Variants in TRIM13 observed in about 807,000 individuals in gnomAD.
The protein encoded by TRIM13 is E3 ubiquitin-protein ligase TRIM13.
A neutral mutation model predicts 27.1 loss-of-function variants in TRIM13; 15 were observed. The observed-to-expected ratio is 0.55, with a 90% CI of 0.37 to 0.85. TRIM13 has a LOEUF of 0.85. TRIM13 is among the 40% of genes least tolerant of loss of function. The pLI is 0.00. For missense variants in TRIM13, 402 were observed against 472.2 expected, an observed-to-expected ratio of 0.85 and a Z score of 1.38; for synonymous variants, 193 against 171.5, an observed-to-expected ratio of 1.13 and a Z score of -0.98.
chr13:50,016,134 G>A lies in TRIM13; in HGVS notation c.*2970G>A, dbSNP rs1876530114. The A allele has an allele frequency of 2.4e-6, 3 of 1,256,340 alleles. No individual in the cohort carries two copies. The East Asian group carries it at 7.1e-5, about 30-fold the overall frequency. 77.8% of individuals were successfully genotyped at this position (1,256,340 alleles called of 1,614,324 possible). A position where few individuals can be genotyped will look rare whatever the true frequency, so the allele number is the denominator to read the frequency against. ...TTTGTGATGTTTTCTCTAAAAACTTGAAGTTCCTCAGGCCTGTAACTTCTG... is the reference window on the plus strand; with the variant it reads ...TTTGTGATGTTTTCTCTAAAAACTTAAAGTTCCTCAGGCCTGTAACTTCTG... On this transcript the variant is annotated 3_prime_UTR_variant, in exon 2 of 2. Transcript: ENST00000378182.
At chr13:50,009,020 C>CAAA (rs35407149) in intron 1 of TRIM13, among the ~76,000 whole-genome samples, 179 of 67,316 alleles carry the variant, frequency 2.7e-3, no homozygotes, top group East Asian at 5.1e-3. Context: ...AAAGCTGTCT[C>CAAA]AAAAAAAAAA....
chr13:49,998,827 A>G (rs952683677), intron 1 of TRIM13, among the ~76,000 whole-genome samples: 2 of 151,178 alleles, frequency 1.3e-5, no homozygotes, highest in Non-Finnish European at 2.9e-5. Flanking sequence ...GCTACTCGGG[A>G]GGCTGAGGCA....
At chr13:50,006,046 TAAG>T (rs921242116) in intron 1 of TRIM13, among the ~76,000 whole-genome samples, 10 of 152,158 alleles carry the variant, frequency 6.6e-5, no homozygotes, top group Admixed American at 6.5e-4. Flanking sequence ...TGAATGAAAA[TAAG>T]AATCTTTAAA....
chr13:50,008,252 TTATTGTTGATAATGTGA>T (rs1412147524), intron 1 of TRIM13, among the ~76,000 whole-genome samples: 1 of 152,184 alleles, frequency 6.6e-6, no homozygotes, highest in Admixed American at 6.5e-5. Flanking sequence ...AAGTCATATG[TTATTGTTGATAATGTGA>T]TATTGTTGAT....
At chr13:50,000,015 G>C (rs1873826394) in intron 1 of TRIM13, among the ~76,000 whole-genome samples, 1 of 152,112 alleles carries the variant, frequency 6.6e-6, no homozygotes, top group South Asian at 2.1e-4. Context: ...GTGTTTAGAT[G>C]ATTTCTAAGA....
At chr13:49,997,920 AG>A (rs1282380552) in intron 1 of TRIM13, among the ~76,000 whole-genome samples, 157 bp downstream of exon 1, 2 of 152,176 alleles carry the variant, frequency 1.3e-5, no homozygotes, top group African/African-American at 4.8e-5. Context: ...GTTAAAACTT[AG>A]AAAAACAGAA....
rs1470766511 is a variant in TRIM13 at position 50,012,188 on chromosome 13, A to G, written c.248A>G (p.Asn83Ser). Residue 83 changes from asparagine (N) to serine (S), a missense_variant, in exon 2 of 2, where the codon AAC (asparagine) becomes AGC (serine). By Grantham distance (46) the Asn-to-Ser change is conservative. Around this residue, in one of 2 missense-constraint regions of TRIM13, gnomAD observed 202 missense variants for 277.5 expected, o/e 0.73. Coordinates refer to ENST00000378182, the MANE Select transcript of TRIM13 (RefSeq NM_213590.3). ...YSLKGIVEKY[N>S]KIKISPKMPV... Reference sequence around the variant, plus strand: ...CTGAAGGGTATTGTGGAAAAGTATAACAAGATCAAGATCTCTCCCAAAATG... The same window carrying G: ...CTGAAGGGTATTGTGGAAAAGTATAGCAAGATCAAGATCTCTCCCAAAATG... 6.2e-7 allele frequency: 1 copy of G among 1,614,162 alleles called. No individual in the cohort carries two copies. Among genetic ancestry groups the G allele is most frequent in the Admixed American group, 1.7e-5 (1 of 60,004 alleles).
chr13:50,012,857 T>G lies in TRIM13; in HGVS notation c.917T>G (p.Phe306Cys). ...KLSLPQDTGT[F>C]ISKIPWSFYK... ...TCTTTGCCTCAAGACACTGGCACAT[T>G]CATTAGCAAGATTCCCTGGAGCTTT... The change falls in exon 2 of 2, where the codon TTC becomes TGC. Residue 306 changes from phenylalanine to cysteine, a missense_variant. Phe to Cys is a radical substitution (Grantham distance 205). This residue lies in a region of TRIM13 where 200 missense variants were observed against 194.7 expected (regional missense o/e 1.03). Coordinates refer to ENST00000378182, the MANE Select transcript of TRIM13 (RefSeq NM_213590.3). 6.2e-7 allele frequency: 1 copy of G among 1,614,120 alleles called. No homozygotes were observed. Among genetic ancestry groups the G allele is most frequent in the Non-Finnish European group, 8.5e-7 (1 of 1,180,012 alleles).
rs549977250 is a variant in TRIM13 at position 50,007,440 on chromosome 13, G to A, written c.-6-4495G>A. On this transcript the variant is annotated intron_variant, in intron 1 of 1. Transcript: ENST00000378182. ...TGGGCAGCAGAGATTGCAGTGAGCC[G>A]AGATTGCACCACTGCACCCCAGCCT... Among the ~76,000 whole-genome samples, 44 of 139,606 alleles carry A rather than the reference G, an allele frequency of 3.2e-4. 1 individual carries two copies. The Middle Eastern group carries it at 0.013, about 42-fold the overall frequency. 91.6% of individuals were successfully genotyped at this position (139,606 alleles called of 152,430 possible).
chr13:50,006,639 GTT>G lies in TRIM13; in HGVS notation c.-6-5294_-6-5293del, dbSNP rs1398760006. Among the ~76,000 whole-genome samples, 6 of 152,090 alleles carry G rather than the reference GTT, an allele frequency of 3.9e-5. 1 individual carries two copies. Among genetic ancestry groups the G allele is most frequent in the Non-Finnish European group, 5.9e-5 (4 of 68,014 alleles). On this transcript the variant is annotated intron_variant, in intron 1 of 1. Transcript: ENST00000378182. The stretch of plus-strand genomic sequence containing the variant: ...AAAGTTTGACTTCATTGTTCTGAAA[GTT>G]TGTGTGTCTTACAGCTGTGTGGTAA...
At position 50,015,084 on chromosome 13, in the gene TRIM13, AAAAAAAAAAAATATATATATATAT is replaced by A. The variant is rs1157959053; in HGVS notation, c.*1922_*1945del. On this transcript the variant is annotated 3_prime_UTR_variant, in exon 2 of 2. Coordinates refer to ENST00000378182, the MANE Select transcript of TRIM13 (RefSeq NM_213590.3). ...TTTCCCCTCCCAGTAATAAAAAAAA[AAAAAAAAAAAATATATATATATAT>A]ATATATATATATATATATATATATA... The A allele has an allele frequency of 1.1e-4, 6 of 54,736 alleles. No homozygotes were observed. Among genetic ancestry groups the A allele is most frequent in the Non-Finnish European group, 1.1e-4 (3 of 26,892 alleles). 3.4% of individuals were successfully genotyped at this position (54,736 alleles called of 1,614,324 possible).
At chr13:50,001,953 G>A (rs1194054621) in intron 1 of TRIM13, among the ~76,000 whole-genome samples, 3 of 152,100 alleles carry the variant, frequency 2.0e-5, no homozygotes, top group African/African-American at 7.2e-5. Flanking sequence ...TTTTAAAATA[G>A]CTATACAAAT....
chr13:50,005,188 C>G (rs1173964896), intron 1 of TRIM13, among the ~76,000 whole-genome samples: 1 of 152,040 alleles, frequency 6.6e-6, no homozygotes, highest in East Asian at 1.9e-4. Context: ...TTGTGTTAGC[C>G]ATACTTTAAG....
intron 1 of TRIM13, among the ~76,000 whole-genome samples, chr13:50,005,632 A>C (rs1408122479): frequency 6.6e-6 from 1 of 151,334 alleles, no homozygotes; most frequent in Non-Finnish European, 1.5e-5. Flanking sequence ...TTGTGATTAC[A>C]CCACTGCACT....
intron 1 of TRIM13, 95 bp from the exon 2 acceptor site, chr13:50,011,840 A>G: frequency 1.4e-6 from 2 of 1,412,888 alleles, no homozygotes; most frequent in Non-Finnish European, 1.9e-6. Flanking sequence ...TTCAGTGAAA[A>G]ATCATTTTAA....
At chr13:50,006,354 T>C (rs984587419) in intron 1 of TRIM13, among the ~76,000 whole-genome samples, 3 of 152,158 alleles carry the variant, frequency 2.0e-5, no homozygotes, top group Non-Finnish European at 2.9e-5. Flanking sequence ...TTTGGTGCCC[T>C]TTTTCTCCTC....
intron 1 of TRIM13, among the ~76,000 whole-genome samples, chr13:50,000,008 T>C (rs1489866999): frequency 1.3e-5 from 2 of 152,170 alleles, no homozygotes; most frequent in Non-Finnish European, 1.5e-5. Flanking sequence ...AAATTAGGTG[T>C]TTAGATGATT....
chr13:50,009,736 C>CAAAAAAAAAAAAAAAAAA (rs35561642), intron 1 of TRIM13, among the ~76,000 whole-genome samples: 3 of 101,196 alleles, frequency 3.0e-5, no homozygotes, highest in Non-Finnish European at 5.6e-5. Context: ...GACTCCGTCT[C>CAAAAAAAAAAAAAAAAAA]AAAAAAAAAA....
Position 50,013,027 on chromosome 13 carries a change from G to A in TRIM13, c.1087G>A (p.Asp363Asn), listed in dbSNP as rs774289427. The A allele has an allele frequency of 2.1e-5, 34 of 1,613,910 alleles. No individual in the cohort carries two copies. The Admixed American group carries it at 4.7e-4, about 22-fold the overall frequency. ...NFSSYLTKTA[D>N]FIEQSVFYWE... ...CAGTTCCTATCTGACTAAAACAGCCGATTTCATAGAACAATCAGTTTTTTA... is the reference window on the plus strand; with the variant it reads ...CAGTTCCTATCTGACTAAAACAGCCAATTTCATAGAACAATCAGTTTTTTA... Residue 363 changes from aspartate to asparagine, a missense_variant, in exon 2 of 2, where the codon GAT (aspartate) becomes AAT (asparagine). Asp to Asn is a conservative substitution (Grantham distance 23, BLOSUM62 1). Coordinates refer to ENST00000378182, the MANE Select transcript of TRIM13 (RefSeq NM_213590.3).
Sources: gnomAD v4.1 joint callset for allele counts (sites outside exome capture counted in the v4.1 genomes callset) on GRCh38, gnomAD v4.1.1 for gene constraint, gnomAD v4.1.1 regional missense constraint, MANE v1.5 for transcripts, NCBI Gene and HGNC (gene_info 2026-07-23, HGNC 2026-07-21) for gene names.